Variants in MYRIP observed in about 807,000 individuals in gnomAD.
The protein encoded by MYRIP is rab effector MyRIP.
In MYRIP, 49 loss-of-function variants were observed where a neutral mutation model predicts 98.0. The observed-to-expected ratio is 0.50, with a 90% CI of 0.40 to 0.63. The LOEUF is 0.63. Among genes scored for constraint, MYRIP ranks in the 30% least tolerant of loss-of-function variants. MYRIP has a pLI of 0.00. For synonymous variants in MYRIP, 404 were observed against 409.5 expected (o/e 0.99, Z 0.16); for missense variants, 1,004 against 1,058.2 (o/e 0.95, Z 0.71).
rs113380837 is a variant in MYRIP at position 39,816,138 on chromosome 3, G to T, written c.-31+6222G>T. 2.1e-3 allele frequency among the ~76,000 whole-genome samples: 323 copies of T among 151,318 alleles called. 2 individuals are homozygous for T. Among genetic ancestry groups the T allele is most frequent in the African/African-American group, 7.6e-3 (315 of 41,274 alleles). Reference sequence around the variant, plus strand: ...GCTCAGTCACCCAGGCTGGAGTGCAGTGGTGCAATCTCGGCTCACTGCAAG... The same window carrying T: ...GCTCAGTCACCCAGGCTGGAGTGCATTGGTGCAATCTCGGCTCACTGCAAG... On this transcript the variant is annotated intron_variant, in intron 1 of 16. Transcript: ENST00000302541.
At chr3:40,123,828 A>G (rs908962836) in intron 3 of MYRIP, among the ~76,000 whole-genome samples, 2 of 152,172 alleles carry the variant, frequency 1.3e-5, no homozygotes, top group African/African-American at 4.8e-5. Flanking sequence ...TCCTGTTTCT[A>G]GCGGGTGGAT....
chr3:40,148,324 C>T (rs1005187660), intron 3 of MYRIP, among the ~76,000 whole-genome samples: 1 of 152,156 alleles, frequency 6.6e-6, no homozygotes, highest in Non-Finnish European at 1.5e-5. Context: ...AACCTAAAGA[C>T]TTTTCCCTTT....
chr3:40,142,503 C>A (rs1280815558), intron 3 of MYRIP, among the ~76,000 whole-genome samples: 1 of 152,092 alleles, frequency 6.6e-6, no homozygotes, highest in Non-Finnish European at 1.5e-5. Context: ...GGCTTCATCA[C>A]CCAGGCTGGA....
intron 1 of MYRIP, among the ~76,000 whole-genome samples, chr3:39,857,034 A>G (rs1942317512): frequency 1.3e-5 from 2 of 152,144 alleles, no homozygotes; most frequent in Admixed American, 1.3e-4. Context: ...AGCCTGGACA[A>G]CATAAGACCT....
chr3:40,191,796 T>C (rs1462289156), intron 10 of MYRIP, among the ~76,000 whole-genome samples: 1 of 152,204 alleles, frequency 6.6e-6, no homozygotes, highest in Admixed American at 6.5e-5. Flanking sequence ...GTGTGAATCA[T>C]TATTGTCTAG....
chr3:40,246,070 T>C (rs1295018429), intron 13 of MYRIP, among the ~76,000 whole-genome samples: 1 of 144,222 alleles, frequency 6.9e-6, no homozygotes, highest in Non-Finnish European at 1.5e-5. Context: ...TCCTGCATCT[T>C]AAAACTGAAT....
At chr3:40,111,011 G>A (rs534392250) in intron 3 of MYRIP, among the ~76,000 whole-genome samples, 98 of 151,946 alleles carry the variant, frequency 6.4e-4, no homozygotes, top group Non-Finnish European at 1.1e-3. Context: ...TTCTAATAAA[G>A]AGAATACCCA....
chr3:40,033,164 C>T (rs1213594368), intron 2 of MYRIP, among the ~76,000 whole-genome samples: 1 of 145,912 alleles, frequency 6.9e-6, no homozygotes, highest in Non-Finnish European at 1.5e-5. Flanking sequence ...TGGCATAAGA[C>T]AGGGATGCCC....
intron 4 of MYRIP, among the ~76,000 whole-genome samples, chr3:40,159,134 G>A (rs1455422570): frequency 5.9e-5 from 9 of 152,116 alleles, no homozygotes; most frequent in East Asian, 1.9e-4. Flanking sequence ...GGCTGGTATC[G>A]GTTGTTCCTT....
At chr3:40,144,420 A>G (rs1949971192) in intron 3 of MYRIP, among the ~76,000 whole-genome samples, 1 of 152,152 alleles carries the variant, frequency 6.6e-6, no homozygotes, top group Admixed American at 6.5e-5. Context: ...CACATAGACT[A>G]AGTTGGAGAG....
chr3:40,122,323 A>G (rs935271439), intron 3 of MYRIP, among the ~76,000 whole-genome samples: 2 of 151,812 alleles, frequency 1.3e-5, no homozygotes, highest in Non-Finnish European at 2.9e-5. Flanking sequence ...AATTAAGGAG[A>G]TTATAGAGGT....
intron 11 of MYRIP, among the ~76,000 whole-genome samples, chr3:40,218,580 T>TACAC (rs775687543): frequency 0.13 from 1,844 of 14,642 alleles, 92 homozygotes; most frequent in African/African-American, 0.19. Flanking sequence ...CATACACATT[T>TACAC]ACACACACAC....
intron 3 of MYRIP, among the ~76,000 whole-genome samples, chr3:40,086,082 A>T (rs1948620073): frequency 6.6e-6 from 1 of 152,204 alleles, no homozygotes; most frequent in Admixed American, 6.5e-5. Flanking sequence ...GATCCCAAAA[A>T]ATGTTTCACC....
In MYRIP at chr3:40,251,975, G is replaced by A. The variant is rs1953390575; in HGVS notation, c.2523G>A (p.Arg841=). 3.1e-6 allele frequency: 5 copies of A among 1,611,566 alleles called. No individual in the cohort carries two copies. The highest frequency in any genetic ancestry group is 4.2e-6 in the Non-Finnish European group (5 of 1,177,818). Residue 841 remains arginine, a synonymous_variant, in exon 16 of 17, where the codon AGG becomes AGA. Transcript: ENST00000302541. The part of the protein sequence containing the change: ...QGSSTNRTKE[R]KGTTKDLMEP... ...CCTCAACAAACAGGACTAAGGAAAG[G>A]AAAGGCACCACCAAGGATTTGATGG... is the stretch of plus-strand genomic sequence containing the variant.
At chr3:40,022,831 C>G (rs1024039228) in intron 2 of MYRIP, among the ~76,000 whole-genome samples, 32 of 152,078 alleles carry the variant, frequency 2.1e-4, no homozygotes, top group Admixed American at 6.5e-4. Flanking sequence ...GGAAAAAATA[C>G]AGGAGTGGAA....
chr3:40,023,541 G>C (rs1038193244), intron 2 of MYRIP, among the ~76,000 whole-genome samples: 1 of 151,928 alleles, frequency 6.6e-6, no homozygotes, highest in Non-Finnish European at 1.5e-5. Flanking sequence ...ACTACTGATG[G>C]GACCCCCACT....
At chr3:39,815,736 G>A (rs1940880994) in intron 1 of MYRIP, among the ~76,000 whole-genome samples, 1 of 152,152 alleles carries the variant, frequency 6.6e-6, no homozygotes, top group South Asian at 2.1e-4. Flanking sequence ...CTGGCATAAT[G>A]TAGAGGAATA....
chr3:40,180,325 C>T (rs1950855658), intron 8 of MYRIP, among the ~76,000 whole-genome samples: 1 of 152,206 alleles, frequency 6.6e-6, no homozygotes, highest in Non-Finnish European at 1.5e-5. Context: ...ACCATTCACT[C>T]GATAGCAAAC....
At chr3:40,084,675 A>AATACACATCTATGTATTATATATC (rs1948575383) in intron 3 of MYRIP, among the ~76,000 whole-genome samples, 1 of 147,624 alleles carries the variant, frequency 6.8e-6, no homozygotes, top group African/African-American at 2.5e-5. Context: ...ACATATCGAT[A>AATACACATCTATGTATTATATATC]GATAATATCT....
Sources: gnomAD v4.1 joint callset for allele counts (sites outside exome capture counted in the v4.1 genomes callset) on GRCh38, gnomAD v4.1.1 for gene constraint, MANE v1.5 for transcripts, NCBI Gene and HGNC (gene_info 2026-07-23, HGNC 2026-07-21) for gene names.